The following SNX10 variants were observed in gnomAD, a reference collection of about 807,000 sequenced individuals.
The protein encoded by SNX10 is sorting nexin 10.
Under a neutral mutation model 28.5 loss-of-function variants are expected in SNX10, and 25 were observed. That is an observed-to-expected ratio of 0.88 (90% CI 0.64 to 1.22). SNX10 has a LOEUF of 1.22. Among genes scored for constraint, SNX10 ranks in the 50% most tolerant of loss-of-function variants. The probability of loss-of-function intolerance (pLI) is 0.00; values close to 1 mark genes in which losing one functional copy is unlikely to be tolerated. For synonymous variants in SNX10, 62 were observed against 81.4 expected, an observed-to-expected ratio of 0.76 and a Z score of 1.28; for missense variants, 223 against 242.6, an observed-to-expected ratio of 0.92 and a Z score of 0.54.
At chr7:26,353,874 A>G (rs1485532533) in intron 2 of SNX10, among the ~76,000 whole-genome samples, 1 of 152,236 alleles carries the variant, frequency 6.6e-6, no homozygotes, top group Non-Finnish European at 1.5e-5. Flanking sequence ...GTAAAACACT[A>G]CTTTGAAATA....
chr7:26,348,663 A>G (rs964479083), intron 2 of SNX10, among the ~76,000 whole-genome samples: 1 of 152,210 alleles, frequency 6.6e-6, no homozygotes, highest in African/African-American at 2.4e-5. Context: ...CATTGCCCTT[A>G]GAACAAAGTC....
At chr7:26,357,495 G>A (rs1788874874) in intron 2 of SNX10, among the ~76,000 whole-genome samples, 1 of 152,078 alleles carries the variant, frequency 6.6e-6, no homozygotes, top group South Asian at 2.1e-4. Context: ...TGCTAGCTGA[G>A]GAGTTTGAAC....
intron 1 of SNX10, among the ~76,000 whole-genome samples, chr7:26,295,360 C>T (rs1786070161): frequency 6.6e-6 from 1 of 152,090 alleles, no homozygotes; most frequent in Non-Finnish European, 1.5e-5. Flanking sequence ...CTGTGGCCAG[C>T]CTGATTTCAT....
At chr7:26,302,333 C>T (rs1786402145) in intron 1 of SNX10, among the ~76,000 whole-genome samples, 1 of 152,084 alleles carries the variant, frequency 6.6e-6, no homozygotes, top group African/African-American at 2.4e-5. Flanking sequence ...GGGCACTTGC[C>T]CTGACGTGAC....
In SNX10 at chr7:26,336,210, A is replaced by G. The variant is rs1203462876; in HGVS notation, c.-23-10210A>G. Among the ~76,000 whole-genome samples, 3 of 152,320 alleles carry G rather than the reference A, an allele frequency of 2.0e-5. No homozygotes were observed. The East Asian group carries it at 5.8e-4, about 29-fold the overall frequency. On this transcript the variant is annotated intron_variant, in intron 1 of 6. Coordinates refer to ENST00000338523, the MANE Select transcript of SNX10 (RefSeq NM_013322.3). ...GCACATTAGGTTTTACTTTCTTTTA[A>G]AAAACATGTTTTGTTCTTAAACTTT...
intron 2 of SNX10, 101 bp downstream of exon 2, chr7:26,346,567 G>A: frequency 1.1e-6 from 1 of 920,558 alleles, no homozygotes; most frequent in Non-Finnish European, 1.8e-6. Context: ...GCTTGAGGAG[G>A]TTTCATGAAA....
At chr7:26,336,762 T>G (rs1371746617) in intron 1 of SNX10, among the ~76,000 whole-genome samples, 2 of 152,246 alleles carry the variant, frequency 1.3e-5, no homozygotes, top group Non-Finnish European at 2.9e-5. Flanking sequence ...TTTAATATTC[T>G]TTTATAACAA....
intron 2 of SNX10, chr7:26,357,199 G>A: frequency 5.2e-6 from 1 of 191,696 alleles, no homozygotes; most frequent in Non-Finnish European, 1.1e-5. Flanking sequence ...AGACATTAGG[G>A]GCCCAGAGGA....
rs746871008 is a variant in SNX10, at chr7:26,365,164, T to C, written c.311+19T>C. 2.0e-6 allele frequency: 3 copies of C among 1,479,956 alleles called. No homozygotes were observed. The highest frequency in any genetic ancestry group is 2.3e-5 in the South Asian group (2 of 88,472). The allele number at this position is 1,479,956 out of a possible 1,614,324, so 91.7% of individuals were successfully genotyped here. A position where few individuals can be genotyped will look rare whatever the true frequency, so the allele number is the denominator to read the frequency against. On this transcript the variant is annotated intron_variant, in intron 5 of 6. Transcript: ENST00000338523. ...TCAGAAAGTGAGTGTCCAGAAACTT[T>C]TGTGGCCAGACAAGGGGTGTGAGCA... is the stretch of plus-strand genomic sequence containing the variant.
chr7:26,313,870 GA>G (rs1331984963), intron 1 of SNX10, among the ~76,000 whole-genome samples: 2 of 152,002 alleles, frequency 1.3e-5, no homozygotes, highest in Non-Finnish European at 2.9e-5. Flanking sequence ...GTGGAGGCGC[GA>G]TCTCGGCTCA....
chr7:26,335,666 GA>G (rs1447550826), intron 1 of SNX10, among the ~76,000 whole-genome samples: 8 of 151,368 alleles, frequency 5.3e-5, no homozygotes, highest in Non-Finnish European at 1.0e-4. Context: ...GTAGTATTGA[GA>G]GCAGATACGG....
intron 1 of SNX10, among the ~76,000 whole-genome samples, chr7:26,307,482 CTG>C (rs1786643606): frequency 6.6e-6 from 1 of 152,148 alleles, no homozygotes; most frequent in South Asian, 2.1e-4. Flanking sequence ...GGATCTCACT[CTG>C]TCACCCAGAC....
intron 2 of SNX10, among the ~76,000 whole-genome samples, chr7:26,348,840 T>G (rs1788490058): frequency 6.6e-6 from 1 of 152,212 alleles, no homozygotes; most frequent in Admixed American, 6.5e-5. Flanking sequence ...CCATGGACTT[T>G]TACAGATGTT....
intron 1 of SNX10, among the ~76,000 whole-genome samples, chr7:26,343,796 C>T (rs1183923803): frequency 1.3e-5 from 2 of 152,186 alleles, no homozygotes; most frequent in Admixed American, 6.5e-5. Context: ...GCCGCTCCTC[C>T]TCCTGGCCTC....
chr7:26,310,830 C>T (rs933621151), intron 1 of SNX10, among the ~76,000 whole-genome samples: 1 of 152,018 alleles, frequency 6.6e-6, no homozygotes, highest in Non-Finnish European at 1.5e-5. Context: ...CTACAGGCGC[C>T]TGCCACCACG....
intron 1 of SNX10, among the ~76,000 whole-genome samples, chr7:26,307,123 T>C (rs1445183430): frequency 6.6e-6 from 1 of 152,198 alleles, no homozygotes; most frequent in African/African-American, 2.4e-5. Flanking sequence ...GTTGCGATGC[T>C]TTTCCTTTAG....
chr7:26,361,119 A>G (rs1163496234), intron 3 of SNX10, 58 bp downstream of exon 3: 1 of 1,517,162 alleles, frequency 6.6e-7, no homozygotes, highest in East Asian at 2.4e-5. Flanking sequence ...GATACATTTT[A>G]TGGGATAAAG....
intron 1 of SNX10, among the ~76,000 whole-genome samples, chr7:26,324,015 G>C (rs1348383306): frequency 6.6e-6 from 1 of 152,114 alleles, no homozygotes; most frequent in Admixed American, 6.6e-5. Context: ...TTGTATTTTT[G>C]TCACGCCCTC....
intron 6 of SNX10, 131 bp from the exon 7 acceptor site, chr7:26,372,360 T>G: frequency 1.4e-6 from 1 of 694,620 alleles, no homozygotes; most frequent in Admixed American, 2.3e-5. Flanking sequence ...AATGGCTAAT[T>G]AAAAGTCCAA....
Sources: allele counts gnomAD v4.1 joint callset (sites outside exome capture counted in the v4.1 genomes callset), GRCh38; gene constraint gnomAD v4.1.1; transcripts MANE v1.5; gene names NCBI Gene and HGNC (gene_info 2026-07-23, HGNC 2026-07-21).